The following ABTB2 variants were observed in gnomAD, a reference collection of about 807,000 sequenced individuals.
ABTB2 encodes ankyrin repeat and BTB/POZ domain-containing protein 2.
In ABTB2, 56 loss-of-function variants were observed where a neutral mutation model predicts 104.1. The ratio of observed to expected loss-of-function variants is 0.54; its 90% CI spans 0.43 to 0.67. The LOEUF is 0.67. ABTB2 is among the 30% of genes least tolerant of loss of function. The pLI, the probability that ABTB2 is intolerant of heterozygous loss-of-function variation, is 0.00. For missense variants in ABTB2, 1,279 were observed against 1,407.7 expected, an observed-to-expected ratio of 0.91 and a Z score of 1.46; for synonymous variants, 606 against 608.2, an observed-to-expected ratio of 1.00 and a Z score of 0.05.
At chr11:34,254,779 C>T (rs1854101073) in intron 1 of ABTB2, among the ~76,000 whole-genome samples, 1 of 148,318 alleles carries the variant, frequency 6.7e-6, no homozygotes, top group Admixed American at 6.9e-5. Flanking sequence ...TCAAGCGATT[C>T]TCCTGCCTCA....
chr11:34,333,935 C>T (rs186229779), intron 1 of ABTB2, among the ~76,000 whole-genome samples: 74 of 150,538 alleles, frequency 4.9e-4, no homozygotes, highest in African/African-American at 1.8e-3. Context: ...TACCCAGATG[C>T]TGGGATCTGC....
chr11:34,262,137 G>A (rs1309050073), intron 1 of ABTB2, among the ~76,000 whole-genome samples: 1 of 152,224 alleles, frequency 6.6e-6, no homozygotes, highest in Non-Finnish European at 1.5e-5. Flanking sequence ...GTCCAGAGAT[G>A]CAACAGGTTT....
In ABTB2 at chr11:34,164,783, C is replaced by T. The variant is rs562480717; in HGVS notation, c.1891G>A (p.Ala631Thr). ...TCCAGCATGCTGAGGAGGGGGTCGGCGCCTCGGCTCAGCAACAAACTGACC... is the reference window on the plus strand; with the variant it reads ...TCCAGCATGCTGAGGAGGGGGTCGGTGCCTCGGCTCAGCAACAAACTGACC... The part of the protein sequence containing the change: ...ELVSLLLSRG[A>T]DPLLSMLEAH... Residue 631 changes from alanine to threonine, a missense_variant, in exon 9 of 17, where the codon GCC becomes ACC. By Grantham distance (58) the Ala-to-Thr change is moderately conservative. Transcript: ENST00000435224. The T allele has an allele frequency of 3.3e-5, 52 of 1,574,802 alleles. No homozygotes were observed. In the Admixed American group the frequency reaches 7.4e-4, roughly 22 times the overall value.
chr11:34,271,824 T>C (rs1383013501), intron 1 of ABTB2, among the ~76,000 whole-genome samples: 1 of 152,198 alleles, frequency 6.6e-6, no homozygotes, highest in Non-Finnish European at 1.5e-5. Flanking sequence ...TCCCCAACTA[T>C]ATGCTCCTTG....
intron 1 of ABTB2, among the ~76,000 whole-genome samples, chr11:34,247,149 C>A (rs1853995453): frequency 6.6e-6 from 1 of 152,162 alleles, no homozygotes; most frequent in Non-Finnish European, 1.5e-5. Flanking sequence ...ACCTGGCCCC[C>A]AGAAGTTCCA....
chr11:34,204,831 T>C, intron 1 of ABTB2, 141 bp from the exon 2 acceptor site: 1 of 950,438 alleles, frequency 1.1e-6, no homozygotes, highest in Non-Finnish European at 1.5e-6. Context: ...CTCTGAGCCT[T>C]GAGGACTTGA....
chr11:34,203,152 G>T (rs1212045735), intron 2 of ABTB2, among the ~76,000 whole-genome samples: 1 of 152,160 alleles, frequency 6.6e-6, no homozygotes, highest in African/African-American at 2.4e-5. Context: ...TATCCAGGGG[G>T]CCAACAGCCC....
At chr11:34,208,571 C>T (rs1393349477) in intron 1 of ABTB2, among the ~76,000 whole-genome samples, 1 of 152,084 alleles carries the variant, frequency 6.6e-6, no homozygotes, top group Non-Finnish European at 1.5e-5. Flanking sequence ...TGTGCTGAAG[C>T]CTCAACATTT....
At chr11:34,211,420 A>T (rs993551278) in intron 1 of ABTB2, among the ~76,000 whole-genome samples, 1 of 152,134 alleles carries the variant, frequency 6.6e-6, no homozygotes. Flanking sequence ...AGGACAGTCA[A>T]TTCTTTAAAA....
At chr11:34,265,339 C>T (rs76890043) in intron 1 of ABTB2, among the ~76,000 whole-genome samples, 1 of 152,190 alleles carries the variant, frequency 6.6e-6, no homozygotes, top group African/African-American at 2.4e-5. Flanking sequence ...CATGGCAGTT[C>T]TCAGCCCAAG....
In ABTB2 at chr11:34,161,165, C is replaced by CT. The variant is rs1201108088; in HGVS notation, c.2219-85dup. 7 of 1,358,396 alleles carry CT rather than the reference C, an allele frequency of 5.2e-6. No homozygotes were observed. In the East Asian group the frequency reaches 1.8e-4, roughly 36 times the overall value. 84.1% of individuals were successfully genotyped at this position (1,358,396 alleles called of 1,614,324 possible). A position where few individuals can be genotyped will look rare whatever the true frequency, so the allele number is the denominator to read the frequency against. On this transcript the variant is annotated intron_variant, in intron 10 of 16. Transcript: ENST00000435224. ...GACCACAGCCTTTTCTGGGCAGACT[C>CT]TCTCGGGATGCCCCCGCTGTCTGCA...
chr11:34,211,917 A>G (rs911991662), intron 1 of ABTB2, among the ~76,000 whole-genome samples: 1 of 151,602 alleles, frequency 6.6e-6, no homozygotes, highest in African/African-American at 2.4e-5. Flanking sequence ...AAAAAAAAAA[A>G]AAAAAAAGGA....
intron 1 of ABTB2, among the ~76,000 whole-genome samples, chr11:34,242,910 G>A (rs1460038950): frequency 1.3e-5 from 2 of 152,136 alleles, no homozygotes; most frequent in Non-Finnish European, 2.9e-5. Flanking sequence ...CAGCTAGGCG[G>A]GAGGTAACCT....
chr11:34,186,752 C>T (rs930262557), intron 3 of ABTB2, among the ~76,000 whole-genome samples: 1 of 152,186 alleles, frequency 6.6e-6, no homozygotes, highest in East Asian at 1.9e-4. Flanking sequence ...CTTCCTGCCC[C>T]GAATCCCTGG....
At chr11:34,282,942 T>C (rs1460234397) in intron 1 of ABTB2, among the ~76,000 whole-genome samples, 1 of 151,814 alleles carries the variant, frequency 6.6e-6, no homozygotes, top group Non-Finnish European at 1.5e-5. Context: ...GGAGTCTCGC[T>C]TTGTCGCCCA....
At chr11:34,344,835 A>C (rs540185296) in intron 1 of ABTB2, among the ~76,000 whole-genome samples, 1 of 152,272 alleles carries the variant, frequency 6.6e-6, no homozygotes, top group South Asian at 2.1e-4. Context: ...TGAGACAGAC[A>C]ACTAAAACCG....
chr11:34,337,799 C>T (rs936937672), intron 1 of ABTB2, among the ~76,000 whole-genome samples: 1 of 152,164 alleles, frequency 6.6e-6, no homozygotes, highest in African/African-American at 2.4e-5. Context: ...CGACTCATCA[C>T]ATTTGGTTGG....
At chr11:34,224,017 G>T (rs2746635) in intron 1 of ABTB2, among the ~76,000 whole-genome samples, 218 of 152,192 alleles carry the variant, frequency 1.4e-3, no homozygotes, top group African/African-American at 5.0e-3. Flanking sequence ...GAGACTAAGA[G>T]GATCATGCCC....
intron 1 of ABTB2, among the ~76,000 whole-genome samples, chr11:34,220,771 G>A (rs1467271069): frequency 6.6e-6 from 1 of 152,124 alleles, no homozygotes; most frequent in African/African-American, 2.4e-5. Context: ...CAATTTGCTA[G>A]GGCTGCCATA....
Sources: allele counts gnomAD v4.1 joint callset (sites outside exome capture counted in the v4.1 genomes callset), GRCh38; gene constraint gnomAD v4.1.1; transcripts MANE v1.5; gene names NCBI Gene and HGNC (gene_info 2026-07-23, HGNC 2026-07-21).